Variants in SLC44A5 observed in about 807,000 individuals in gnomAD.
SLC44A5 encodes choline transporter-like protein 5.
SLC44A5 carries 57 observed loss-of-function variants against 101.8 expected under a neutral mutation model. That is an observed-to-expected ratio of 0.56 (90% CI 0.45 to 0.70). The LOEUF is 0.70. Among genes scored for constraint, SLC44A5 ranks in the 30% least tolerant of loss-of-function variants. The probability of loss-of-function intolerance (pLI) is 0.00; values close to 1 mark genes in which losing one functional copy is unlikely to be tolerated. For missense variants in SLC44A5, 737 were observed against 853.1 expected (o/e 0.86, Z 1.70); for synonymous variants, 281 against 290.9 (o/e 0.97, Z 0.35).
chr1:75,502,841 G>C (rs1669041398), intron 2 of SLC44A5, among the ~76,000 whole-genome samples: 1 of 152,068 alleles, frequency 6.6e-6, no homozygotes, highest in Non-Finnish European at 1.5e-5. Context: ...ATAAGTCCCA[G>C]TATTGTAATG....
At chr1:75,367,808 G>A (rs575876366) in intron 3 of SLC44A5, among the ~76,000 whole-genome samples, 26 of 152,284 alleles carry the variant, frequency 1.7e-4, no homozygotes, top group Non-Finnish European at 3.2e-4. Context: ...TCAGTCTTAG[G>A]GTCTACCAGA....
chr1:75,273,748 T>C (rs1420711490), intron 6 of SLC44A5, among the ~76,000 whole-genome samples: 5 of 152,166 alleles, frequency 3.3e-5, no homozygotes, highest in African/African-American at 1.2e-4. Context: ...TGATGTATTA[T>C]CCTATTGATG....
intron 3 of SLC44A5, among the ~76,000 whole-genome samples, chr1:75,350,362 T>C (rs1312860724): frequency 6.6e-6 from 1 of 151,560 alleles, no homozygotes; most frequent in Non-Finnish European, 1.5e-5. Context: ...ACCCTGATCT[T>C]CAACTTTTCA....
chr1:75,299,846 TA>T (rs956929410), intron 5 of SLC44A5, among the ~76,000 whole-genome samples: 153 of 61,686 alleles, frequency 2.5e-3, no homozygotes, highest in East Asian at 0.011. Flanking sequence ...TTGTCTCTAC[TA>T]AAAAAAAAAA....
chr1:75,620,803 T>C, the SLC44A5 span, among the ~76,000 whole-genome samples: 1 of 152,344 alleles, frequency 6.6e-6, no homozygotes, highest in South Asian at 2.1e-4. Context: ...TGATGATAGT[T>C]TCTTTTGCTG....
chr1:75,713,113 C>T, the SLC44A5 span, among the ~76,000 whole-genome samples: 3 of 152,220 alleles, frequency 2.0e-5, no homozygotes, highest in Non-Finnish European at 4.4e-5. Flanking sequence ...ACTTTTCAAA[C>T]TCACTAGGCA....
intron 5 of SLC44A5, among the ~76,000 whole-genome samples, chr1:75,291,862 A>G (rs1443135523): frequency 6.6e-6 from 1 of 151,934 alleles, no homozygotes; most frequent in African/African-American, 2.4e-5. Flanking sequence ...AATACAAAAA[A>G]TTAGCCAGGC....
At chr1:75,641,374 C>T in the SLC44A5 span, 1 of 831,880 alleles carries the variant, frequency 1.2e-6, no homozygotes, top group East Asian at 2.4e-5. Flanking sequence ...CGGGCATAAA[C>T]TCTTCATGTG....
intron 23 of SLC44A5, among the ~76,000 whole-genome samples, chr1:75,208,062 A>G (rs1169996336): frequency 2.0e-5 from 3 of 152,180 alleles, no homozygotes; most frequent in Admixed American, 2.0e-4. Flanking sequence ...ATAAGCTGTA[A>G]AATGCTTCCT....
intron 1 of SLC44A5, among the ~76,000 whole-genome samples, chr1:75,558,287 G>A (rs1332615690): frequency 6.6e-6 from 1 of 152,130 alleles, no homozygotes; most frequent in Non-Finnish European, 1.5e-5. Flanking sequence ...TTGATAAAAT[G>A]TAAAACAAAT....
chr1:75,487,294 T>C (rs1168259997), intron 2 of SLC44A5, among the ~76,000 whole-genome samples: 1 of 151,928 alleles, frequency 6.6e-6, no homozygotes, highest in Non-Finnish European at 1.5e-5. Context: ...TCTTATGGAG[T>C]AGTGAAAAAC....
intron 3 of SLC44A5, among the ~76,000 whole-genome samples, chr1:75,383,440 G>C (rs954781426): frequency 6.6e-6 from 1 of 151,970 alleles, no homozygotes; most frequent in Non-Finnish European, 1.5e-5. Flanking sequence ...CAGGTGTGTA[G>C]GGGCAACCCA....
intron 3 of SLC44A5, among the ~76,000 whole-genome samples, chr1:75,359,908 C>A (rs1007490780): frequency 1.3e-5 from 2 of 152,236 alleles, no homozygotes; most frequent in East Asian, 3.9e-4. Flanking sequence ...TTGCATTTCC[C>A]TAGTGATTAG....
At chr1:75,501,787 T>C (rs1350774550) in intron 2 of SLC44A5, among the ~76,000 whole-genome samples, 3 of 152,200 alleles carry the variant, frequency 2.0e-5, no homozygotes, top group Admixed American at 1.3e-4. Flanking sequence ...TGAATTGTTA[T>C]CTGAATCAAA....
At chr1:75,537,033 A>AAAAAAAAAAATATATATATAT (rs35829590) in intron 2 of SLC44A5, among the ~76,000 whole-genome samples, 14 of 43,018 alleles carry the variant, frequency 3.3e-4, no homozygotes, top group Non-Finnish European at 5.2e-4. Context: ...AAAAAAAAAA[A>AAAAAAAAAAATATATATATAT]ATATATATCT....
intron 2 of SLC44A5, among the ~76,000 whole-genome samples, chr1:75,429,944 A>G (rs919016712): frequency 3.3e-5 from 5 of 152,220 alleles, no homozygotes; most frequent in African/African-American, 1.2e-4. Flanking sequence ...CTAAGGATAC[A>G]AATTCCAAAA....
intron 4 of SLC44A5, among the ~76,000 whole-genome samples, chr1:75,301,943 C>T (rs1654480984): frequency 6.6e-6 from 1 of 151,954 alleles, no homozygotes; most frequent in Admixed American, 6.6e-5. Flanking sequence ...AATTCTTTAC[C>T]TTGGAATAGG....
At chr1:75,507,491 G>A (rs540500331) in intron 2 of SLC44A5, among the ~76,000 whole-genome samples, 1 of 152,154 alleles carries the variant, frequency 6.6e-6, no homozygotes, top group East Asian at 1.9e-4. Context: ...TGTTTATTAG[G>A]GGTACTGACC....
At chr1:75,539,674 A>G (rs555766290) in intron 2 of SLC44A5, among the ~76,000 whole-genome samples, 1 of 152,340 alleles carries the variant, frequency 6.6e-6, no homozygotes, top group East Asian at 1.9e-4. Context: ...CTCAAGCCCA[A>G]GGAATCTGAC....
Sources: gnomAD v4.1 joint callset for allele counts (sites outside exome capture counted in the v4.1 genomes callset) on GRCh38, gnomAD v4.1.1 for gene constraint, MANE v1.5 for transcripts, NCBI Gene and HGNC (gene_info 2026-07-23, HGNC 2026-07-21) for gene names.